The following SEPTIN9 variants were observed in gnomAD, a reference collection of about 807,000 sequenced individuals.
SEPTIN9 encodes the protein septin-9.
SEPTIN9 carries 13 observed loss-of-function variants against 56.6 expected under a neutral mutation model. The observed-to-expected ratio is 0.23, with a 90% CI of 0.15 to 0.37. The LOEUF is 0.37. Ranked by LOEUF, SEPTIN9 falls within the 10% of genes least tolerant of loss-of-function variation. SEPTIN9 has a pLI of 1.00. For missense variants in SEPTIN9, 650 were observed against 823.1 expected, an observed-to-expected ratio of 0.79 and a Z score of 2.57; for synonymous variants, 332 against 334.1, an observed-to-expected ratio of 0.99 and a Z score of 0.07.
chr17:77,439,204 T>C (rs1010270817), intron 3 of SEPTIN9, among the ~76,000 whole-genome samples: 2 of 152,080 alleles, frequency 1.3e-5, no homozygotes, highest in Non-Finnish European at 2.9e-5. Context: ...CTTTCCTCCC[T>C]GGTTGGGGAG....
chr17:77,491,428 G>A (rs1438733669), intron 8 of SEPTIN9, among the ~76,000 whole-genome samples: 1 of 151,820 alleles, frequency 6.6e-6, no homozygotes, highest in South Asian at 2.1e-4. Context: ...TAACCCTTGG[G>A]CTCAAGGGAT....
chr17:77,350,610 AGTGTGTGT>A (rs57851361), intron 2 of SEPTIN9, among the ~76,000 whole-genome samples: 18 of 149,504 alleles, frequency 1.2e-4, no homozygotes, highest in African/African-American at 4.4e-4. Context: ...CCTCCAGTGC[AGTGTGTGT>A]GTGTGTGTGT....
At position 77,492,744 on chromosome 17, in the gene SEPTIN9, C is replaced by A. The variant is rs775153852; in HGVS notation, c.1476+28C>A. ...GAGTGGATCCACTAGGATGTTGTTC[C>A]CAGGGGACCCCCAGTTCCTGCTGAA... On this transcript the variant is annotated intron_variant, in intron 9 of 11. Coordinates refer to ENST00000427177, the MANE Select transcript of SEPTIN9 (RefSeq NM_001113491.2). This position sits in a 1 kb window ranked among gnomAD's most constrained non-coding sequence, Gnocchi z 5.4. The A allele has an allele frequency of 6.3e-7, 1 of 1,593,494 alleles. No individual in the cohort carries two copies. The highest frequency in any genetic ancestry group is 8.6e-7 in the Non-Finnish European group (1 of 1,161,336).
rs758849621 is a variant in SEPTIN9 at position 77,492,766 on chromosome 17, T to C, written c.1476+50T>C. 3 of 1,540,526 alleles carry C rather than the reference T, an allele frequency of 1.9e-6. No homozygotes were observed. The highest frequency in any genetic ancestry group is 2.7e-5 in the African/African-American group (2 of 73,432). On this transcript the variant is annotated intron_variant, in intron 9 of 11. Transcript: ENST00000427177. The surrounding 1 kb of genome is among the most constrained non-coding windows in gnomAD (Gnocchi z 5.4). Reference sequence around the variant, plus strand: ...TTCCCAGGGGACCCCCAGTTCCTGCTGAAGGGTGGGTTGGGGGTTTGGAGG... The same window carrying C: ...TTCCCAGGGGACCCCCAGTTCCTGCCGAAGGGTGGGTTGGGGGTTTGGAGG...
chr17:77,405,168 A>T lies in SEPTIN9; in HGVS notation c.721+2465A>T. ...AGGGGGATGTCCATGGGGATGTACA[A>T]GAACATTCTCCTCCAGGGGCAGACA... On this transcript the variant is annotated intron_variant, in intron 3 of 11. Coordinates refer to ENST00000427177, the MANE Select transcript of SEPTIN9 (RefSeq NM_001113491.2). The surrounding 1 kb of genome is among the most constrained non-coding windows in gnomAD (Gnocchi z 5.8). The T allele has an allele frequency of 6.6e-7, 1 of 1,515,780 alleles. No homozygotes were observed. The highest frequency in any genetic ancestry group is 1.2e-5 in the South Asian group (1 of 83,592). The allele number at this position is 1,515,780 out of a possible 1,614,324, so 93.9% of individuals were successfully genotyped here.
Position 77,383,759 on chromosome 17 carries a change from G to A in SEPTIN9, c.77-18300G>A, listed in dbSNP as rs543400417. On this transcript the variant is annotated intron_variant, in intron 2 of 11. Transcript: ENST00000427177. Reference sequence around the variant, plus strand: ...AGCATCGTGGGGATCTCCGAGGGTAGCCTTCCCAGGCCCAGGGCGGAGTGT... The same window carrying A: ...AGCATCGTGGGGATCTCCGAGGGTAACCTTCCCAGGCCCAGGGCGGAGTGT... Among the ~76,000 whole-genome samples the A allele has an allele frequency of 2.0e-5, 3 of 152,296 alleles. No homozygotes were observed. The South Asian group carries it at 6.2e-4, about 32-fold the overall frequency.
intron 2 of SEPTIN9, chr17:77,373,059 G>A (rs952838956): frequency 7.1e-5 from 29 of 407,598 alleles, no homozygotes; most frequent in Non-Finnish European, 8.1e-5. Context: ...TCTGGCCGCA[G>A]CGGGGCGCCC....
At chr17:77,420,741 T>G (rs370344989) in intron 3 of SEPTIN9, among the ~76,000 whole-genome samples, 2 of 152,182 alleles carry the variant, frequency 1.3e-5, no homozygotes, top group Non-Finnish European at 2.9e-5. Flanking sequence ...GGATTGTGAA[T>G]GAGACGACTT....
intron 2 of SEPTIN9, chr17:77,376,145 C>T: frequency 2.0e-6 from 2 of 986,788 alleles, no homozygotes; most frequent in Non-Finnish European, 2.4e-6. Flanking sequence ...GGAAGGAGAG[C>T]CTTCTGGCCA....
intron 2 of SEPTIN9, among the ~76,000 whole-genome samples, chr17:77,342,653 G>A (rs933969624): frequency 6.6e-6 from 1 of 152,152 alleles, no homozygotes; most frequent in African/African-American, 2.4e-5. Context: ...GATCACAAAG[G>A]GGTGACATTG....
chr17:77,482,384 C>T lies in SEPTIN9; in HGVS notation c.913+49C>T, dbSNP rs376735011. 5.0e-6 allele frequency: 8 copies of T among 1,587,892 alleles called. No individual in the cohort carries two copies. The African/African-American group carries it at 8.0e-5, about 16-fold the overall frequency. ...CTCAACCAATGCCGGAAACCAGCCTCAGCCCCCAGGGCGGCCCACAAGCCT... is the reference window on the plus strand; with the variant it reads ...CTCAACCAATGCCGGAAACCAGCCTTAGCCCCCAGGGCGGCCCACAAGCCT... On this transcript the variant is annotated intron_variant, in intron 4 of 11. Transcript: ENST00000427177.
chr17:77,316,117 C>T (rs1468461002), intron 2 of SEPTIN9, among the ~76,000 whole-genome samples: 3 of 152,236 alleles, frequency 2.0e-5, no homozygotes, highest in African/African-American at 4.8e-5. Context: ...GAATCTAAGA[C>T]AGGACCACAG....
chr17:77,283,719 A>G (rs897044627), intron 1 of SEPTIN9, among the ~76,000 whole-genome samples: 4 of 152,192 alleles, frequency 2.6e-5, no homozygotes, highest in African/African-American at 9.6e-5. Context: ...TGGTTTGAAC[A>G]TTCGTGAGCC....
chr17:77,304,098 C>T (rs2032168835), intron 1 of SEPTIN9, among the ~76,000 whole-genome samples: 1 of 152,202 alleles, frequency 6.6e-6, no homozygotes. Flanking sequence ...TTCTAGCTAC[C>T]TCTTTGCTGG....
In SEPTIN9 at chr17:77,429,369, G is replaced by T. The variant is rs9915682; in HGVS notation, c.721+26666G>T. Reference sequence around the variant, plus strand: ...CTGAGAGGTGTGCTGGCTCTCGCAGGTTGCAAAATGGGGACATCACCGTCC... The same window carrying T: ...CTGAGAGGTGTGCTGGCTCTCGCAGTTTGCAAAATGGGGACATCACCGTCC... On this transcript the variant is annotated intron_variant, in intron 3 of 11. Transcript: ENST00000427177. This position sits in a 1 kb window ranked among gnomAD's most constrained non-coding sequence, Gnocchi z 5.2. 3.9e-3 allele frequency: 1,737 copies of T among 440,730 alleles called. 32 individuals carry two copies. Among genetic ancestry groups the T allele is most frequent in the African/African-American group, 0.03 (1,500 of 49,684 alleles). The allele number at this position is 440,730 out of a possible 1,614,324, so 27.3% of individuals were successfully genotyped here. A position where few individuals can be genotyped will look rare whatever the true frequency, so the allele number is the denominator to read the frequency against.
chr17:77,399,511 G>A (rs1007684616), intron 2 of SEPTIN9, among the ~76,000 whole-genome samples: 10 of 152,264 alleles, frequency 6.6e-5, no homozygotes, highest in African/African-American at 1.2e-4. Flanking sequence ...GGAACCGCAC[G>A]AGGACCCAGG....
Position 77,318,674 on chromosome 17 carries a change from TC to T in SEPTIN9, c.76+11481del, listed in dbSNP as rs1418296897. Among the ~76,000 whole-genome samples, 1 of 152,068 alleles carries T rather than the reference TC, an allele frequency of 6.6e-6. No homozygotes were observed. Among genetic ancestry groups the T allele is most frequent in the Non-Finnish European group, 1.5e-5 (1 of 68,016 alleles). On this transcript the variant is annotated intron_variant, in intron 2 of 11. Transcript: ENST00000427177. This position sits in a 1 kb window ranked among gnomAD's most constrained non-coding sequence, Gnocchi z 4.9. ...TCTCCCAGAAGGCTGGGAATGGTCC[TC>T]CCCACCCCCCAGGAAGATGTCCTTT...
chr17:77,286,294 G>A (rs939322249), intron 1 of SEPTIN9: 9 of 152,434 alleles, frequency 5.9e-5, no homozygotes, highest in African/African-American at 9.6e-5. Context: ...CAGACCGCAG[G>A]CACTTGCCCG....
rs1338663125 is a variant in SEPTIN9 at position 77,319,371 on chromosome 17, C to CA, written c.76+12175dup. The CA allele has an allele frequency of 8.8e-6, 2 of 226,656 alleles. No individual in the cohort carries two copies. The highest frequency in any genetic ancestry group is 2.3e-5 in the African/African-American group (1 of 43,198). 14.0% of individuals were successfully genotyped at this position (226,656 alleles called of 1,614,324 possible). On this transcript the variant is annotated intron_variant, in intron 2 of 11. Transcript: ENST00000427177. The surrounding 1 kb of genome is among the most constrained non-coding windows in gnomAD (Gnocchi z 5.3). ...ACAGTGGGGAACAGCACTGATCCCC[C>CA]AGTGGGGCCCCGAGTTCCCGGAGAG...
Sources: allele counts gnomAD v4.1 joint callset (sites outside exome capture counted in the v4.1 genomes callset), GRCh38; gene constraint gnomAD v4.1.1; non-coding constraint Gnocchi (gnomAD v3.1); transcripts MANE v1.5; gene names NCBI Gene and HGNC (gene_info 2026-07-23, HGNC 2026-07-21).